The following KANK4 variants were observed in gnomAD, a reference collection of about 807,000 sequenced individuals.
The protein encoded by KANK4 is KN motif and ankyrin repeat domain-containing protein 4.
Under a neutral mutation model 80.8 loss-of-function variants are expected in KANK4, and 50 were observed. The observed-to-expected ratio is 0.62, with a 90% CI of 0.49 to 0.78. KANK4 has a LOEUF of 0.78. Among genes scored for constraint, KANK4 ranks in the 30% least tolerant of loss-of-function variants. The pLI, the probability that KANK4 is intolerant of heterozygous loss-of-function variation, is 0.00. For synonymous variants in KANK4, 465 were observed against 506.9 expected (o/e 0.92, Z 1.11); for missense variants, 1,196 against 1,240.1 (o/e 0.96, Z 0.53).
chr1:62,241,768 G>C (rs1018689735), intron 9 of KANK4, among the ~76,000 whole-genome samples: 1 of 152,194 alleles, frequency 6.6e-6, no homozygotes, highest in Admixed American at 6.5e-5. Context: ...GTTTATGTAG[G>C]CCCGAATTCC....
chr1:62,296,062 A>G (rs1389672077), intron 1 of KANK4, among the ~76,000 whole-genome samples: 1 of 152,240 alleles, frequency 6.6e-6, no homozygotes, highest in East Asian at 1.9e-4. Context: ...GCCTCAGTTC[A>G]GGGCTGTGTT....
intron 1 of KANK4, among the ~76,000 whole-genome samples, chr1:62,282,941 G>A (rs1672482516): frequency 6.6e-6 from 1 of 152,234 alleles, no homozygotes; most frequent in South Asian, 2.1e-4. Flanking sequence ...TAGAGACAAG[G>A]GAGCTGAGAG....
intron 2 of KANK4, among the ~76,000 whole-genome samples, chr1:62,279,456 T>G (rs1464142770): frequency 1.3e-5 from 2 of 152,294 alleles, no homozygotes; most frequent in East Asian, 3.9e-4. Context: ...GAGAATCAGT[T>G]AGGAAGACCT....
At chr1:62,262,877 T>C (rs1671919712) in intron 7 of KANK4, among the ~76,000 whole-genome samples, 1 of 151,606 alleles carries the variant, frequency 6.6e-6, no homozygotes, top group Admixed American at 6.6e-5. Context: ...GAGGGGAGGG[T>C]GGAAGGCAGT....
chr1:62,268,221 G>A (rs1471276303), intron 5 of KANK4, 66 bp downstream of exon 5: 15 of 1,228,012 alleles, frequency 1.2e-5, no homozygotes, highest in African/African-American at 5.9e-5. Context: ...TCGCATGAAC[G>A]GGTAGATATA....
At chr1:62,253,584 T>C (rs572765766) in intron 7 of KANK4, among the ~76,000 whole-genome samples, 2 of 152,062 alleles carry the variant, frequency 1.3e-5, no homozygotes, top group East Asian at 3.9e-4. Flanking sequence ...TAATTTTTTT[T>C]TGTATTTTTA....
At chr1:62,306,404 A>C (rs943050763) in intron 1 of KANK4, among the ~76,000 whole-genome samples, 18 of 152,152 alleles carry the variant, frequency 1.2e-4, no homozygotes, top group Non-Finnish European at 2.4e-4. Context: ...TATTTAAAAA[A>C]TTTTCTATAC....
chr1:62,301,896 G>A (rs967483062), intron 1 of KANK4, among the ~76,000 whole-genome samples: 10 of 151,876 alleles, frequency 6.6e-5, no homozygotes, highest in Admixed American at 2.0e-4. Flanking sequence ...ATCCATTTCC[G>A]TGTGATCACC....
Position 62,247,635 on chromosome 1 carries a change from T to G in KANK4, c.2720A>C (p.Asp907Ala). 2 of 1,613,970 alleles carry G rather than the reference T, an allele frequency of 1.2e-6. No homozygotes were observed. Among genetic ancestry groups the G allele is most frequent in the Non-Finnish European group, 1.7e-6 (2 of 1,180,018 alleles). The change falls in exon 9 of 10, where the codon GAC becomes GCC. Residue 907 changes from aspartate (D) to alanine (A), a missense_variant. Asp to Ala is a moderately radical substitution (Grantham distance 126). Transcript: ENST00000371153. ...CAGCGCTTGAACCATGTCCTCCCTG[T>G]CGTGGCTGACTCCCAGCATCAGCGC... Reference protein sequence around the residue: ...QTALMLGVSHDREDMVQALLS... With the variant: ...QTALMLGVSHAREDMVQALLS...
chr1:62,274,757 G>T lies in KANK4; in HGVS notation c.347C>A (p.Pro116His). ...QNQSPPLGNA[P>H]QASTSRSEVS... Reference sequence around the variant, plus strand: ...CTCACTCCTGCTTGTTGAGGCCTGGGGGGCATTACCAAGCGGTGGTGACTG... The same window carrying T: ...CTCACTCCTGCTTGTTGAGGCCTGGTGGGCATTACCAAGCGGTGGTGACTG... Residue 116 changes from proline (P) to histidine (H), a missense_variant, in exon 3 of 10, where the codon CCC becomes CAC. Physicochemically the swap from Pro to His is moderately conservative, Grantham distance 77 (BLOSUM62 -2). Around this residue, in one of 3 missense-constraint regions of KANK4, gnomAD observed 1,154 missense variants for 1,179.6 expected, o/e 0.98. Coordinates refer to ENST00000371153, the MANE Select transcript of KANK4 (RefSeq NM_181712.5). 1 of 1,614,132 alleles carries T rather than the reference G, an allele frequency of 6.2e-7. No homozygotes were observed. The highest frequency in any genetic ancestry group is 8.5e-7 in the Non-Finnish European group (1 of 1,179,994).
chr1:62,241,635 G>T (rs1474249095), intron 9 of KANK4, among the ~76,000 whole-genome samples: 2 of 152,188 alleles, frequency 1.3e-5, no homozygotes. Flanking sequence ...GAACCTAACG[G>T]TATTCATTCA....
At position 62,319,328 on chromosome 1, in the gene KANK4, G is replaced by A. The variant is rs1047644173; in HGVS notation, c.-293C>T. On this transcript the variant is annotated 5_prime_UTR_variant, in exon 1 of 10. Coordinates refer to ENST00000371153, the MANE Select transcript of KANK4 (RefSeq NM_181712.5). ...GCCCTGGCCCCGGCGCACCCCTGCG[G>A]GCACACCCACCGCGGCGGATGCGGG... 4 of 151,954 alleles carry A rather than the reference G, an allele frequency of 2.6e-5. No homozygotes were observed. The highest frequency in any genetic ancestry group is 9.7e-5 in the African/African-American group (4 of 41,412). The allele number at this position is 151,954 out of a possible 1,614,324, so 9.4% of individuals were successfully genotyped here. A position where few individuals can be genotyped will look rare whatever the true frequency, so the allele number is the denominator to read the frequency against.
At chr1:62,277,421 C>G (rs1003528957) in intron 2 of KANK4, among the ~76,000 whole-genome samples, 1 of 152,182 alleles carries the variant, frequency 6.6e-6, no homozygotes, top group Non-Finnish European at 1.5e-5. Context: ...TTTGGACAAG[C>G]AAGCTTATTT....
At chr1:62,263,892 A>G (rs1413703435) in intron 6 of KANK4, among the ~76,000 whole-genome samples, 1 of 152,150 alleles carries the variant, frequency 6.6e-6, no homozygotes, top group Non-Finnish European at 1.5e-5. Context: ...TGGTTTAAGA[A>G]CCCACGGCAG....
At position 62,236,258 on chromosome 1, in the gene KANK4, C is replaced by T. The variant is rs1364383232; in HGVS notation, c.*2019G>A. ...GTGGCTCGATAGCATCAGCATCTCC[C>T]AGGACCTGGTTAGAAATGCAGAATC... On this transcript the variant is annotated 3_prime_UTR_variant, in exon 10 of 10. Coordinates refer to ENST00000371153, the MANE Select transcript of KANK4 (RefSeq NM_181712.5). 6.6e-6 allele frequency among the ~76,000 whole-genome samples: 1 copy of T among 152,166 alleles called. No homozygotes were observed. Among genetic ancestry groups the T allele is most frequent in the Non-Finnish European group, 1.5e-5 (1 of 68,040 alleles).
chr1:62,241,552 T>C (rs180706853), intron 9 of KANK4, among the ~76,000 whole-genome samples: 94 of 152,340 alleles, frequency 6.2e-4, no homozygotes, highest in African/African-American at 2.2e-3. Context: ...CTGCTGCATG[T>C]TGGCACCTGG....
Position 62,319,165 on chromosome 1 carries a change from T to C in KANK4, c.-130A>G, listed in dbSNP as rs1644569605. 1 of 152,168 alleles carries C rather than the reference T, an allele frequency of 6.6e-6. No homozygotes were observed. Among genetic ancestry groups the C allele is most frequent in the Non-Finnish European group, 1.5e-5 (1 of 68,040 alleles). The allele number at this position is 152,168 out of a possible 1,614,324, so 9.4% of individuals were successfully genotyped here. On this transcript the variant is annotated 5_prime_UTR_variant, in exon 1 of 10. Coordinates refer to ENST00000371153, the MANE Select transcript of KANK4 (RefSeq NM_181712.5). The stretch of plus-strand genomic sequence containing the variant: ...CCGCGGTGCACGGGGCCGGGGCAGC[T>C]AGGCGCACACCCCGGCTTCGGAGCG...
At chr1:62,315,787 A>G (rs1016819020) in intron 1 of KANK4, among the ~76,000 whole-genome samples, 32 of 152,320 alleles carry the variant, frequency 2.1e-4, no homozygotes, top group African/African-American at 7.5e-4. Context: ...CTCAGCACTA[A>G]GAAGTCCTAA....
intron 1 of KANK4, among the ~76,000 whole-genome samples, chr1:62,312,914 A>G (rs151190520): frequency 6.6e-6 from 1 of 152,200 alleles, no homozygotes; most frequent in African/African-American, 2.4e-5. Flanking sequence ...CCACGGTATC[A>G]ACTGCCTCAA....
Sources: allele counts gnomAD v4.1 joint callset (sites outside exome capture counted in the v4.1 genomes callset), GRCh38; gene constraint gnomAD v4.1.1; regional missense constraint gnomAD v4.1.1; transcripts MANE v1.5; gene names NCBI Gene and HGNC (gene_info 2026-07-23, HGNC 2026-07-21).